The following SLC4A4 variants were observed in gnomAD, a reference collection of about 807,000 sequenced individuals.
The protein encoded by SLC4A4 is electrogenic sodium bicarbonate cotransporter 1.
Under a neutral mutation model 111.5 loss-of-function variants are expected in SLC4A4, and 27 were observed. The observed-to-expected ratio is 0.24, with a 90% CI of 0.18 to 0.33. SLC4A4 has a LOEUF of 0.33. SLC4A4 is among the 10% of genes least tolerant of loss of function. The pLI is 1.00. For synonymous variants in SLC4A4, 443 were observed against 463.4 expected (o/e 0.96, Z 0.57); for missense variants, 909 against 1,315.5 (o/e 0.69, Z 4.78).
chr4:71,064,491 G>T (rs941179147), intron 1 of SLC4A4, among the ~76,000 whole-genome samples: 1 of 152,168 alleles, frequency 6.6e-6, no homozygotes, highest in Non-Finnish European at 1.5e-5. Flanking sequence ...AATGAACAGA[G>T]AATTTGTTGA....
At chr4:71,342,638 T>C (rs1045761891) in intron 4 of SLC4A4, among the ~76,000 whole-genome samples, 5 of 152,224 alleles carry the variant, frequency 3.3e-5, no homozygotes, top group Admixed American at 1.3e-4. Flanking sequence ...TGAGTTGTTA[T>C]CATAGAGTAT....
At chr4:71,526,736 T>C (rs758794185) in intron 16 of SLC4A4, among the ~76,000 whole-genome samples, 21 of 152,126 alleles carry the variant, frequency 1.4e-4, no homozygotes, top group South Asian at 4.1e-4. Context: ...AAATCTGAAA[T>C]GGGCCTCAGT....
rs60338885 is a variant in SLC4A4 at position 71,516,080 on chromosome 4, C to CT, written c.2167-15949dup. On this transcript the variant is annotated intron_variant, in intron 16 of 25. Transcript: ENST00000264485. ...TTATTATTTGTGGTTTGGGGGATTTCTTTTTTTTTTTTTTTTTTTTTTTTT... is the reference window on the plus strand; with the variant it reads ...TTATTATTTGTGGTTTGGGGGATTTCTTTTTTTTTTTTTTTTTTTTTTTTTT... 4.6e-4 allele frequency among the ~76,000 whole-genome samples: 14 copies of CT among 30,612 alleles called. 2 individuals carry two copies. The highest frequency in any genetic ancestry group is 1.2e-3 in the Admixed American group (2 of 1,644). The allele number at this position is 30,612 out of a possible 152,430, so 20.1% of individuals were successfully genotyped here.
At chr4:71,156,572 A>ATGCG (rs748864841) in intron 2 of SLC4A4, among the ~76,000 whole-genome samples, 1 of 26,018 alleles carries the variant, frequency 3.8e-5, no homozygotes, top group Non-Finnish European at 3.8e-4. Flanking sequence ...GTGTGCGCGC[A>ATGCG]TGCGCGCGCG....
intron 12 of SLC4A4, among the ~76,000 whole-genome samples, chr4:71,465,481 C>T (rs1331396674): frequency 6.7e-6 from 1 of 149,094 alleles, no homozygotes. Context: ...TAGGTTGGTG[C>T]AAAAGTAATC....
chr4:71,171,234 T>C (rs539240566), intron 2 of SLC4A4, among the ~76,000 whole-genome samples: 21 of 152,188 alleles, frequency 1.4e-4, no homozygotes, highest in African/African-American at 4.3e-4. Flanking sequence ...TGGCTTTGCG[T>C]GCAGGCTGGA....
chr4:71,525,283 A>G lies in SLC4A4; in HGVS notation c.2167-6779A>G, dbSNP rs530898163. On this transcript the variant is annotated intron_variant, in intron 16 of 25. Coordinates refer to ENST00000264485, the MANE Select transcript of SLC4A4 (RefSeq NM_001098484.3). Reference sequence around the variant, plus strand: ...GGCTTCTTATTAGATTAATTGAGATACTGTCTAATTAATCCCGCAGAGGAC... The same window carrying G: ...GGCTTCTTATTAGATTAATTGAGATGCTGTCTAATTAATCCCGCAGAGGAC... Among the ~76,000 whole-genome samples the G allele has an allele frequency of 4.4e-3, 675 of 152,252 alleles. 2 individuals are homozygous for G. The highest frequency in any genetic ancestry group is 7.7e-3 in the Non-Finnish European group (521 of 68,010).
Position 71,411,062 on chromosome 4 carries a change from G to A in SLC4A4, c.807+13409G>A, listed in dbSNP as rs146036749. On this transcript the variant is annotated intron_variant, in intron 7 of 25. Coordinates refer to ENST00000264485, the MANE Select transcript of SLC4A4 (RefSeq NM_001098484.3). ...TGTCACTCGTGGCTTATAACCATTC[G>A]ATGACTACCTGTTGCCTTTATGATA... 7.3e-3 allele frequency among the ~76,000 whole-genome samples: 1,112 copies of A among 152,204 alleles called. 5 individuals are homozygous for A. Among genetic ancestry groups the A allele is most frequent in the South Asian group, 0.016 (79 of 4,822 alleles).
At chr4:71,121,331 G>T (rs1825667) in intron 2 of SLC4A4, among the ~76,000 whole-genome samples, 110,263 of 152,080 alleles carry the variant, frequency 0.73, 42,790 homozygotes, top group Admixed American at 0.85. Flanking sequence ...GCGTGCAGGT[G>T]CACGGCGCTG....
chr4:71,450,713 T>G (rs573518178), intron 10 of SLC4A4, among the ~76,000 whole-genome samples, 170 bp downstream of exon 10: 6 of 152,354 alleles, frequency 3.9e-5, no homozygotes, highest in African/African-American at 1.2e-4. Context: ...TCACGTTTCC[T>G]TGGCATTGTA....
At chr4:71,275,724 G>C (rs929986499) in intron 3 of SLC4A4, among the ~76,000 whole-genome samples, 2 of 152,310 alleles carry the variant, frequency 1.3e-5, no homozygotes, top group Non-Finnish European at 2.9e-5. Context: ...TTAGGCCTTC[G>C]GCCCTCAAGC....
At chr4:71,424,684 C>T (rs537216721) in intron 7 of SLC4A4, among the ~76,000 whole-genome samples, 16 of 152,194 alleles carry the variant, frequency 1.1e-4, no homozygotes, top group South Asian at 4.2e-4. Flanking sequence ...AGTTCATATC[C>T]GTTGTAGGGA....
intron 3 of SLC4A4, among the ~76,000 whole-genome samples, chr4:71,319,579 G>T (rs1389612714): frequency 2.0e-5 from 3 of 151,814 alleles, no homozygotes; most frequent in Non-Finnish European, 2.9e-5. Context: ...TTCAATCTTT[G>T]TATTGAAAAT....
chr4:71,276,642 C>T (rs950013600), intron 3 of SLC4A4, among the ~76,000 whole-genome samples: 2 of 150,084 alleles, frequency 1.3e-5, no homozygotes, highest in African/African-American at 2.5e-5. Context: ...TGTTGCAAAT[C>T]GTTCATTATT....
At chr4:71,115,284 T>C (rs1226393054) in intron 2 of SLC4A4, among the ~76,000 whole-genome samples, 2 of 151,438 alleles carry the variant, frequency 1.3e-5, no homozygotes, top group Non-Finnish European at 2.9e-5. Flanking sequence ...CATGTATACA[T>C]ATGTAACTAA....
intron 2 of SLC4A4, among the ~76,000 whole-genome samples, chr4:71,179,771 G>A (rs1000447378): frequency 2.0e-5 from 3 of 152,100 alleles, no homozygotes; most frequent in Non-Finnish European, 4.4e-5. Flanking sequence ...AAATGGCCAT[G>A]CTGCCCAAGG....
intron 2 of SLC4A4, among the ~76,000 whole-genome samples, chr4:71,136,907 G>A (rs1345852281): frequency 6.6e-6 from 1 of 152,148 alleles, no homozygotes; most frequent in Non-Finnish European, 1.5e-5. Context: ...ACTATCTCCA[G>A]GGTAATGTTA....
chr4:71,516,315 T>G (rs985868489), intron 16 of SLC4A4, among the ~76,000 whole-genome samples: 1 of 152,144 alleles, frequency 6.6e-6, no homozygotes, highest in African/African-American at 2.4e-5. Context: ...GCCAGGATGG[T>G]CTCGATCTCC....
chr4:71,558,007 C>A lies in SLC4A4; in HGVS notation c.2937+122C>A. 13 of 772,900 alleles carry A rather than the reference C, an allele frequency of 1.7e-5. 1 individual carries two copies. The South Asian group carries it at 1.9e-4, about 12-fold the overall frequency. The allele number at this position is 772,900 out of a possible 1,614,324, so 47.9% of individuals were successfully genotyped here. ...CAAATTTTTCCAGCTTTGACCTCAT[C>A]ACTTTGATCAGTTGTAATTTACATT... On this transcript the variant is annotated intron_variant, in intron 22 of 25. Coordinates refer to ENST00000264485, the MANE Select transcript of SLC4A4 (RefSeq NM_001098484.3).
Sources: gnomAD v4.1 joint callset for allele counts (sites outside exome capture counted in the v4.1 genomes callset) on GRCh38, gnomAD v4.1.1 for gene constraint, MANE v1.5 for transcripts, NCBI Gene and HGNC (gene_info 2026-07-23, HGNC 2026-07-21) for gene names.